Variants in SCRG1 observed in about 807,000 individuals in gnomAD.
The protein encoded by SCRG1 is stimulator of chondrogenesis 1.
A neutral mutation model predicts 7.7 loss-of-function variants in SCRG1; 3 were observed. That is an observed-to-expected ratio of 0.39 (90% confidence interval 0.18 to 1.01). The LOEUF (loss-of-function observed/expected upper bound fraction) is 1.01. Ranked by LOEUF, SCRG1 falls within the 50% of genes least tolerant of loss-of-function variation. The pLI, the probability that SCRG1 is intolerant of heterozygous loss-of-function variation, is 0.36. For missense variants in SCRG1, 110 were observed against 117.2 expected, an observed-to-expected ratio of 0.94 and a Z score of 0.28; for synonymous variants, 46 against 41.2, an observed-to-expected ratio of 1.12 and a Z score of -0.44.
chr4:173,396,869 A>G (rs1002801834), intron 1 of SCRG1, among the ~76,000 whole-genome samples: 1 of 152,006 alleles, frequency 6.6e-6, no homozygotes, highest in Non-Finnish European at 1.5e-5. Flanking sequence ...GTTGGCCAAC[A>G]TGGTGAAACC....
the SCRG1 span, among the ~76,000 whole-genome samples, chr4:173,454,889 C>A: frequency 6.6e-6 from 1 of 152,192 alleles, no homozygotes; most frequent in Admixed American, 6.5e-5. Context: ...AACCAAATGG[C>A]TTAAACAGAG....
At chr4:173,473,530 G>A in the SCRG1 span, among the ~76,000 whole-genome samples, 1 of 152,180 alleles carries the variant, frequency 6.6e-6, no homozygotes, top group Non-Finnish European at 1.5e-5. Context: ...GAGAAGGAGA[G>A]CCCTCAATCC....
At chr4:173,413,034 G>A in the SCRG1 span, among the ~76,000 whole-genome samples, 2 of 151,918 alleles carry the variant, frequency 1.3e-5, no homozygotes, top group South Asian at 4.1e-4. Flanking sequence ...CTGTTGCTCA[G>A]AGACTCCTGC....
At chr4:173,427,604 T>C in the SCRG1 span, among the ~76,000 whole-genome samples, 2 of 152,210 alleles carry the variant, frequency 1.3e-5, no homozygotes, top group Admixed American at 6.5e-5. Flanking sequence ...TCAGACATGG[T>C]GCAGCTCCAT....
the SCRG1 span, among the ~76,000 whole-genome samples, chr4:173,485,173 T>G: frequency 8.4e-6 from 1 of 118,872 alleles, no homozygotes; most frequent in Non-Finnish European, 1.6e-5. Context: ...TTATATATAT[T>G]ATATATTACA....
the SCRG1 span, among the ~76,000 whole-genome samples, chr4:173,491,395 G>T: frequency 6.6e-6 from 1 of 152,042 alleles, no homozygotes; most frequent in Non-Finnish European, 1.5e-5. Context: ...ACATTTCACT[G>T]CTGAGTGCCA....
upstream of SCRG1, among the ~76,000 whole-genome samples, chr4:173,407,571 T>C (rs1173869661): frequency 1.3e-5 from 2 of 152,188 alleles, no homozygotes; most frequent in African/African-American, 4.8e-5. Flanking sequence ...CTATAAATAT[T>C]TGTATGCACG....
Position 173,388,281 on chromosome 4 carries a change from C to A in SCRG1, c.*60G>T. On this transcript the variant is annotated 3_prime_UTR_variant, in exon 3 of 3. Transcript: ENST00000296506. The stretch of plus-strand genomic sequence containing the variant: ...TATAGAAACTAGAAATGCAGTTATA[C>A]TGATGTAGTGCAGTTTGTGGGAAAT... The A allele has an allele frequency of 1.7e-6, 2 of 1,161,048 alleles. No individual in the cohort carries two copies. The highest frequency in any genetic ancestry group is 1.8e-5 in the Admixed American group (1 of 54,290). 71.9% of individuals were successfully genotyped at this position (1,161,048 alleles called of 1,614,324 possible). A position where few individuals can be genotyped will look rare whatever the true frequency, so the allele number is the denominator to read the frequency against.
chr4:173,400,675 A>T (rs1739738248), upstream of SCRG1, among the ~76,000 whole-genome samples: 1 of 152,046 alleles, frequency 6.6e-6, no homozygotes, highest in Non-Finnish European at 1.5e-5. Context: ...ATACGTCTGA[A>T]CTCGTTCACT....
chr4:173,483,580 A>T, the SCRG1 span, among the ~76,000 whole-genome samples: 154 of 70,112 alleles, frequency 2.2e-3, 25 homozygotes, highest in African/African-American at 7.4e-3. Flanking sequence ...TATATAATAT[A>T]TATGATATAT....
chr4:173,463,290 T>C, the SCRG1 span, among the ~76,000 whole-genome samples: 105 of 152,282 alleles, frequency 6.9e-4, no homozygotes, highest in South Asian at 4.1e-4. Context: ...ATTTATTTTT[T>C]CGAGAAGAAA....
At chr4:173,484,191 T>G in the SCRG1 span, among the ~76,000 whole-genome samples, 24 of 74,786 alleles carry the variant, frequency 3.2e-4, no homozygotes, top group African/African-American at 1.3e-3. Flanking sequence ...ATATTTTCTA[T>G]ATTATATATT....
chr4:173,432,596 C>T, the SCRG1 span, among the ~76,000 whole-genome samples: 2 of 152,150 alleles, frequency 1.3e-5, no homozygotes, highest in Admixed American at 6.5e-5. Flanking sequence ...GACCTTCCAG[C>T]CCAGCTCCCC....
chr4:173,412,109 A>G, the SCRG1 span, among the ~76,000 whole-genome samples: 1 of 152,134 alleles, frequency 6.6e-6, no homozygotes, highest in African/African-American at 2.4e-5. Context: ...GTCTTCTTAT[A>G]TCATGCTGCC....
the SCRG1 span, among the ~76,000 whole-genome samples, chr4:173,484,627 A>T: frequency 1.1e-5 from 1 of 94,518 alleles, no homozygotes; most frequent in African/African-American, 4.4e-5. Flanking sequence ...TGCATGTAAT[A>T]TATATTATAT....
the SCRG1 span, among the ~76,000 whole-genome samples, chr4:173,496,029 G>T: frequency 6.6e-6 from 1 of 152,118 alleles, no homozygotes; most frequent in Non-Finnish European, 1.5e-5. Context: ...CATGTGCAAA[G>T]ATATGAAGGC....
the SCRG1 span, among the ~76,000 whole-genome samples, chr4:173,486,362 A>G: frequency 6.6e-6 from 1 of 152,128 alleles, no homozygotes; most frequent in African/African-American, 2.4e-5. Context: ...AGAGTGTTCC[A>G]TTTTGCATCC....
the SCRG1 span, among the ~76,000 whole-genome samples, chr4:173,433,816 G>A: frequency 6.6e-6 from 1 of 152,158 alleles, no homozygotes; most frequent in Non-Finnish European, 1.5e-5. Context: ...CAGGAAACCT[G>A]TCCTACAAGC....
At chr4:173,443,943 T>TTTTG in the SCRG1 span, among the ~76,000 whole-genome samples, 25 of 138,796 alleles carry the variant, frequency 1.8e-4, no homozygotes, top group African/African-American at 6.5e-4. Context: ...AGAGCTTGTT[T>TTTTG]TGTGTGTGTG....
Sources: gnomAD v4.1 joint callset for allele counts (sites outside exome capture counted in the v4.1 genomes callset) on GRCh38, gnomAD v4.1.1 for gene constraint, MANE v1.5 for transcripts, NCBI Gene and HGNC (gene_info 2026-07-23, HGNC 2026-07-21) for gene names.